IPO11: variants seen among roughly 807,000 people sequenced by gnomAD.
IPO11 encodes the protein importin 11.
A neutral mutation model predicts 143.2 loss-of-function variants in IPO11; 66 were observed. The ratio of observed to expected loss-of-function variants is 0.46; its 90% confidence interval spans 0.38 to 0.57. The LOEUF is 0.57. Among genes scored for constraint, IPO11 ranks in the 20% least tolerant of loss-of-function variants. IPO11 has a pLI of 0.00. For synonymous variants in IPO11, 385 were observed against 377.8 expected, an observed-to-expected ratio of 1.02 and a Z score of -0.22; for missense variants, 1,026 against 1,141.0, an observed-to-expected ratio of 0.90 and a Z score of 1.45.
chr5:62,622,095 T>C (rs888011084), intron 29 of IPO11, among the ~76,000 whole-genome samples: 1 of 152,206 alleles, frequency 6.6e-6, no homozygotes, highest in Non-Finnish European at 1.5e-5. Context: ...GTCTATATTC[T>C]TTTATTTTAA....
chr5:62,617,252 C>T (rs528997190), intron 29 of IPO11, among the ~76,000 whole-genome samples: 14 of 152,344 alleles, frequency 9.2e-5, no homozygotes, highest in Non-Finnish European at 1.5e-4. Context: ...CTCGGCATAT[C>T]CATGACATTT....
chr5:62,530,651 A>AT (rs1246460998), intron 21 of IPO11, 58 bp from the exon 22 acceptor site: 1 of 1,023,084 alleles, frequency 9.8e-7, no homozygotes, highest in African/African-American at 1.6e-5. Flanking sequence ...TTTAAGTCAT[A>AT]TGTTAATGGC....
At position 62,433,164 on chromosome 5, in the gene IPO11, A is replaced by T. The variant is rs762729422; in HGVS notation, c.-6-4110A>T. ...CCTTTTTGTTTTTTGTTTTTTTTTT[A>T]AAGTCAATCTACTTAAAGTGTTGGC... On this transcript the variant is annotated intron_variant, in intron 1 of 29. Transcript: ENST00000325324. 2.0e-4 allele frequency among the ~76,000 whole-genome samples: 29 copies of T among 142,278 alleles called. No homozygotes were observed. In the East Asian group the frequency reaches 2.5e-3, roughly 12 times the overall value. The allele number at this position is 142,278 out of a possible 152,430, so 93.3% of individuals were successfully genotyped here. A position where few individuals can be genotyped will look rare whatever the true frequency, so the allele number is the denominator to read the frequency against.
chr5:62,452,841 C>G (rs960736384), intron 5 of IPO11, among the ~76,000 whole-genome samples: 9 of 150,012 alleles, frequency 6.0e-5, no homozygotes, highest in Non-Finnish European at 1.0e-4. Context: ...CAGCCTTGAC[C>G]TCCTTGGCTC....
At chr5:62,463,095 G>A (rs140738877) in intron 5 of IPO11, among the ~76,000 whole-genome samples, 790 of 151,982 alleles carry the variant, frequency 5.2e-3, no homozygotes, top group Non-Finnish European at 7.9e-3. Context: ...TGGCTGGAGT[G>A]CTGTGGTGTG....
intron 1 of IPO11, among the ~76,000 whole-genome samples, chr5:62,432,026 T>C (rs1356032477): frequency 6.6e-6 from 1 of 152,034 alleles, no homozygotes; most frequent in Non-Finnish European, 1.5e-5. Context: ...TTATACCAAG[T>C]TTTTCTTCTT....
intron 1 of IPO11, among the ~76,000 whole-genome samples, chr5:62,416,204 C>T (rs557306207): frequency 1.3e-3 from 153 of 121,956 alleles, no homozygotes; most frequent in African/African-American, 4.3e-3. Context: ...TTTTTTGAGA[C>T]GGAGCCTCGC....
At chr5:62,446,546 T>C (rs1744727418) in intron 3 of IPO11, among the ~76,000 whole-genome samples, 1 of 152,264 alleles carries the variant, frequency 6.6e-6, no homozygotes, top group African/African-American at 2.4e-5. Context: ...AATGTACTTA[T>C]TGGTCATTGG....
intron 1 of IPO11, chr5:62,418,940 G>GGAT: frequency 6.6e-7 from 1 of 1,505,756 alleles, no homozygotes; most frequent in East Asian, 2.5e-5. Context: ...AGTTGCTTAA[G>GGAT]GCTGGGATAC....
At chr5:62,586,768 A>AATATATATATATATAT (rs56808416) in intron 27 of IPO11, among the ~76,000 whole-genome samples, 7 of 28,906 alleles carry the variant, frequency 2.4e-4, no homozygotes, top group African/African-American at 4.0e-4. Context: ...AAAAAAAAAA[A>AATATATATATATATAT]ATATATATAT....
chr5:62,601,919 T>C, intron 29 of IPO11, 71 bp downstream of exon 29: 2 of 902,258 alleles, frequency 2.2e-6, no homozygotes, highest in South Asian at 1.9e-5. Context: ...CAGAAATATC[T>C]ATGGTCTATT....
chr5:62,491,741 C>T (rs556694747), intron 15 of IPO11, among the ~76,000 whole-genome samples: 1 of 150,528 alleles, frequency 6.6e-6, no homozygotes, highest in South Asian at 2.1e-4. Context: ...TCTCGACTCA[C>T]TGCAAGCTCT....
intron 26 of IPO11, among the ~76,000 whole-genome samples, chr5:62,557,837 T>C (rs1266052979): frequency 1.3e-5 from 2 of 152,230 alleles, no homozygotes; most frequent in East Asian, 3.8e-4. Context: ...ATATGTTTGC[T>C]GCACTGTCCG....
intron 20 of IPO11, among the ~76,000 whole-genome samples, chr5:62,524,811 T>C (rs754114963): frequency 2.0e-5 from 3 of 152,226 alleles, no homozygotes; most frequent in Non-Finnish European, 4.4e-5. Context: ...GGAATACATA[T>C]ATACTGTGTG....
chr5:62,500,193 G>A (rs2112253845), intron 16 of IPO11, among the ~76,000 whole-genome samples: 1 of 152,256 alleles, frequency 6.6e-6, no homozygotes, highest in East Asian at 1.9e-4. Flanking sequence ...GCTGAGGTGG[G>A]ATTGCTTGAG....
intron 24 of IPO11, among the ~76,000 whole-genome samples, chr5:62,542,837 G>C (rs184745822): frequency 8.5e-4 from 130 of 152,088 alleles, no homozygotes; most frequent in African/African-American, 2.9e-3. Context: ...TCTCATTCTG[G>C]TCATGGTCAT....
intron 26 of IPO11, among the ~76,000 whole-genome samples, chr5:62,560,369 C>G (rs1743731649): frequency 6.6e-6 from 1 of 152,202 alleles, no homozygotes; most frequent in Non-Finnish European, 1.5e-5. Context: ...CTGTTACAGT[C>G]TTGAGGCAAA....
intron 24 of IPO11, among the ~76,000 whole-genome samples, chr5:62,549,203 T>C (rs1310603016): frequency 1.3e-5 from 2 of 152,198 alleles, no homozygotes; most frequent in African/African-American, 4.8e-5. Flanking sequence ...TATACCTGTA[T>C]CTTTTAGTAG....
chr5:62,514,561 C>A (rs1378263214), intron 19 of IPO11, among the ~76,000 whole-genome samples: 1 of 140,514 alleles, frequency 7.1e-6, no homozygotes, highest in East Asian at 2.0e-4. Flanking sequence ...AGCTTTGGCC[C>A]GGCATGAGAG....
Sources: gnomAD v4.1 joint callset for allele counts (sites outside exome capture counted in the v4.1 genomes callset) on GRCh38, gnomAD v4.1.1 for gene constraint, MANE v1.5 for transcripts, NCBI Gene and HGNC (gene_info 2026-07-23, HGNC 2026-07-21) for gene names.